The following THRB variants were observed in gnomAD, a reference collection of about 807,000 sequenced individuals.
THRB encodes the protein thyroid hormone receptor beta.
Under a neutral mutation model 47.8 loss-of-function variants are expected in THRB, and 12 were observed. That is an observed-to-expected ratio of 0.25 (90% confidence interval 0.16 to 0.41). THRB has a LOEUF of 0.41. Ranked by LOEUF, THRB falls within the 10% of genes least tolerant of loss-of-function variation. THRB has a pLI of 1.00. For synonymous variants in THRB, 218 were observed against 212.2 expected (o/e 1.03, Z -0.24); for missense variants, 348 against 589.2 (o/e 0.59, Z 4.24).
At chr3:24,460,166 T>A (rs2073565574) in intron 1 of THRB, among the ~76,000 whole-genome samples, 1 of 152,224 alleles carries the variant, frequency 6.6e-6, no homozygotes, top group South Asian at 2.1e-4. Context: ...TCTGGTGAAC[T>A]CTGTCTTTAA....
chr3:24,280,524 G>A (rs547331946), intron 3 of THRB, among the ~76,000 whole-genome samples: 1 of 152,196 alleles, frequency 6.6e-6, no homozygotes, highest in South Asian at 2.1e-4. Context: ...CTAAAAAGCA[G>A]AGCGCCTCTC....
At chr3:24,344,477 C>G (rs2062878286) in intron 1 of THRB, among the ~76,000 whole-genome samples, 3 of 152,060 alleles carry the variant, frequency 2.0e-5, no homozygotes, top group Admixed American at 2.0e-4. Context: ...AAGACTTTCC[C>G]TGCTCCCCTG....
At chr3:24,361,807 T>C (rs1267878577) in intron 1 of THRB, among the ~76,000 whole-genome samples, 2 of 152,106 alleles carry the variant, frequency 1.3e-5, no homozygotes, top group Admixed American at 6.6e-5. Flanking sequence ...ATGCAGCCAA[T>C]GATGTGTTGA....
rs973502816 is a variant in THRB at position 24,118,968 on chromosome 3, G to A, written c.*3916C>T. The A allele has an allele frequency of 4.8e-5, 4 of 83,676 alleles. No homozygotes were observed. Among genetic ancestry groups the A allele is most frequent in the Admixed American group, 2.4e-4 (2 of 8,284 alleles). The allele number at this position is 83,676 out of a possible 1,614,324, so 5.2% of individuals were successfully genotyped here. A position where few individuals can be genotyped will look rare whatever the true frequency, so the allele number is the denominator to read the frequency against. ...ATAAGGCCAAACCTTTTTTCCCCCA[G>A]TCTGGTTTTTTTTTTTTTTTTTTTT... On this transcript the variant is annotated 3_prime_UTR_variant, in exon 11 of 11. Coordinates refer to ENST00000646209, the MANE Select transcript of THRB (RefSeq NM_001354712.2).
intron 3 of THRB, among the ~76,000 whole-genome samples, chr3:24,268,360 G>A (rs1258069107): frequency 6.6e-6 from 1 of 152,130 alleles, no homozygotes; most frequent in Non-Finnish European, 1.5e-5. Flanking sequence ...ACAAAAGCTG[G>A]AAGATAGTGC....
chr3:24,352,271 A>G (rs942480093), intron 1 of THRB, among the ~76,000 whole-genome samples: 6 of 152,152 alleles, frequency 3.9e-5, no homozygotes, highest in African/African-American at 1.4e-4. Flanking sequence ...ACTTCCATAC[A>G]AAAGTTCTTG....
At chr3:24,271,948 T>C (rs779919168) in intron 3 of THRB, among the ~76,000 whole-genome samples, 3 of 152,232 alleles carry the variant, frequency 2.0e-5, no homozygotes, top group Non-Finnish European at 2.9e-5. Flanking sequence ...TTAGCTATTA[T>C]GATTATGATG....
intron 1 of THRB, among the ~76,000 whole-genome samples, chr3:24,440,493 A>T (rs1021025973): frequency 4.6e-5 from 7 of 152,210 alleles, no homozygotes; most frequent in Admixed American, 2.6e-4. Context: ...TCAGATATGT[A>T]TTTTGATATA....
At chr3:24,444,900 T>G (rs1293940374) in intron 1 of THRB, among the ~76,000 whole-genome samples, 2 of 152,202 alleles carry the variant, frequency 1.3e-5, no homozygotes, top group African/African-American at 4.8e-5. Context: ...TTTTTAAATT[T>G]GAAAATTAAT....
chr3:24,259,456 T>C (rs1271933519), intron 3 of THRB, among the ~76,000 whole-genome samples: 1 of 152,174 alleles, frequency 6.6e-6, no homozygotes, highest in African/African-American at 2.4e-5. Flanking sequence ...ACAGTGTATG[T>C]GTATGCTGCT....
rs73136701 is a variant in THRB at position 24,147,110 on chromosome 3, T to C, written c.385-288A>G. Among the ~76,000 whole-genome samples the C allele has an allele frequency of 7.9e-3, 1,198 of 152,270 alleles. 21 individuals carry two copies. Among genetic ancestry groups the C allele is most frequent in the African/African-American group, 0.028 (1,154 of 41,556 alleles). On this transcript the variant is annotated intron_variant, in intron 6 of 10. Transcript: ENST00000646209. ...ACATCTAGCGCTTGTTTTTATTTTT[T>C]CTAAATATTGAATATATAAGTAAAT...
rs772201945 is a variant in THRB, at chr3:24,118,633, A to G, written c.*4251T>C. 5 of 152,692 alleles carry G rather than the reference A, an allele frequency of 3.3e-5. No individual in the cohort carries two copies. The highest frequency in any genetic ancestry group is 5.9e-5 in the Non-Finnish European group (4 of 68,046). 9.5% of individuals were successfully genotyped at this position (152,692 alleles called of 1,614,324 possible). A position where few individuals can be genotyped will look rare whatever the true frequency, so the allele number is the denominator to read the frequency against. On this transcript the variant is annotated 3_prime_UTR_variant, in exon 11 of 11. Transcript: ENST00000646209. ...AGAACCAAAAGAAAGAAGTGGCATA[A>G]TGTCACATCAGCTCATTCATGCCCT...
chr3:24,193,940 A>T (rs11924530), intron 4 of THRB, among the ~76,000 whole-genome samples: 1,977 of 152,372 alleles, frequency 0.013, 44 homozygotes, highest in African/African-American at 0.045. Context: ...AATACTACTC[A>T]GACATAAAAA....
intron 2 of THRB, among the ~76,000 whole-genome samples, chr3:24,336,414 G>T (rs556227815): frequency 3.3e-4 from 50 of 152,334 alleles, no homozygotes; most frequent in African/African-American, 1.1e-3. Context: ...GACCAAGCCT[G>T]AATGTCACCT....
chr3:24,234,245 A>G (rs1182361657), intron 3 of THRB, among the ~76,000 whole-genome samples: 1 of 152,194 alleles, frequency 6.6e-6, no homozygotes, highest in Non-Finnish European at 1.5e-5. Context: ...CATTTGGTAT[A>G]TATTTTCAGA....
chr3:24,472,467 G>C (rs1577836294), intron 1 of THRB, among the ~76,000 whole-genome samples: 2 of 152,262 alleles, frequency 1.3e-5, no homozygotes, highest in East Asian at 3.9e-4. Context: ...TTGTCCTGGA[G>C]ACTACTGACC....
In THRB at chr3:24,476,682, T is replaced by G. The variant is rs559969753; in HGVS notation, c.-261+17970A>C. Among the ~76,000 whole-genome samples, 136 of 152,330 alleles carry G rather than the reference T, an allele frequency of 8.9e-4. 1 individual carries two copies. Among genetic ancestry groups the G allele is most frequent in the Admixed American group, 6.7e-3 (102 of 15,302 alleles). On this transcript the variant is annotated intron_variant, in intron 1 of 10. Transcript: ENST00000646209. The stretch of plus-strand genomic sequence containing the variant: ...TCCCTTCAAGTTAATGAATGTCCTT[T>G]GGGCAGCCTACATTTGTTGTTTTTC...
intron 1 of THRB, among the ~76,000 whole-genome samples, chr3:24,384,669 T>C (rs558395086): frequency 1.3e-5 from 2 of 152,214 alleles, no homozygotes; most frequent in South Asian, 2.1e-4. Context: ...ATTAGTCACT[T>C]GAATAGGAAG....
intron 1 of THRB, among the ~76,000 whole-genome samples, chr3:24,398,996 T>C (rs1401120504): frequency 6.6e-6 from 1 of 151,670 alleles, no homozygotes; most frequent in Non-Finnish European, 1.5e-5. Flanking sequence ...CCAAACACCG[T>C]ATGTTCTCAC....
Sources: gnomAD v4.1 joint callset for allele counts (sites outside exome capture counted in the v4.1 genomes callset) on GRCh38, gnomAD v4.1.1 for gene constraint, MANE v1.5 for transcripts, NCBI Gene and HGNC (gene_info 2026-07-23, HGNC 2026-07-21) for gene names.